The following DLGAP1 variants were observed in gnomAD, a reference collection of about 807,000 sequenced individuals.
DLGAP1 encodes disks large-associated protein 1.
DLGAP1 carries 11 observed loss-of-function variants against 90.8 expected under a neutral mutation model. The observed-to-expected ratio is 0.12, with a 90% CI of 0.08 to 0.20. The LOEUF (loss-of-function observed/expected upper bound fraction) is 0.20, where lower values mean the gene tolerates loss of function less well. Ranked by LOEUF, DLGAP1 falls within the 10% of genes least tolerant of loss-of-function variation. DLGAP1 has a pLI of 1.00. For missense variants in DLGAP1, 1,050 were observed against 1,333.8 expected (o/e 0.79, Z 3.31); for synonymous variants, 558 against 540.7 (o/e 1.03, Z -0.44).
At chr18:3,978,107 C>G in intron 3 of DLGAP1, 1 of 438,498 alleles carries the variant, frequency 2.3e-6, no homozygotes, top group Admixed American at 2.5e-5. Flanking sequence ...GGACCATGGC[C>G]ATGAGTCCTT....
chr18:4,275,057 A>C (rs186263014), intron 1 of DLGAP1, among the ~76,000 whole-genome samples: 6 of 152,374 alleles, frequency 3.9e-5, no homozygotes, highest in Non-Finnish European at 7.3e-5. Flanking sequence ...TATAATAATC[A>C]TACATCTATC....
At chr18:4,225,417 A>C (rs966440269) in intron 1 of DLGAP1, among the ~76,000 whole-genome samples, 1 of 152,084 alleles carries the variant, frequency 6.6e-6, no homozygotes, top group African/African-American at 2.4e-5. Flanking sequence ...ACAAGCATCA[A>C]GACGATCCAG....
At chr18:4,184,555 C>T (rs1317782780) in intron 1 of DLGAP1, among the ~76,000 whole-genome samples, 1 of 152,028 alleles carries the variant, frequency 6.6e-6, no homozygotes, top group Non-Finnish European at 1.5e-5. Context: ...CCCTCACAGA[C>T]ATGCCGATTT....
At chr18:4,244,670 T>C (rs932806809) in intron 1 of DLGAP1, among the ~76,000 whole-genome samples, 1 of 152,184 alleles carries the variant, frequency 6.6e-6, no homozygotes, top group African/African-American at 2.4e-5. Flanking sequence ...AATGGATCAG[T>C]TACATGATCT....
chr18:4,024,155 T>C (rs1294330291), intron 2 of DLGAP1, among the ~76,000 whole-genome samples: 2 of 152,362 alleles, frequency 1.3e-5, no homozygotes, highest in East Asian at 3.9e-4. Flanking sequence ...TGGTAATCTC[T>C]GAGATAGTAT....
chr18:4,059,247 A>T (rs983992551), intron 2 of DLGAP1, among the ~76,000 whole-genome samples: 8 of 152,132 alleles, frequency 5.3e-5, no homozygotes, highest in African/African-American at 1.9e-4. Context: ...GGGAAATAAG[A>T]GGGCTGCCCT....
chr18:4,245,141 C>T (rs1272829600), intron 1 of DLGAP1, among the ~76,000 whole-genome samples: 2 of 152,116 alleles, frequency 1.3e-5, no homozygotes, highest in East Asian at 1.9e-4. Context: ...AACATTGCTC[C>T]AATATTCAAA....
intron 1 of DLGAP1, among the ~76,000 whole-genome samples, chr18:4,349,217 T>G (rs1465247251): frequency 6.6e-6 from 1 of 152,128 alleles, no homozygotes. Flanking sequence ...TCTGCAGTAT[T>G]CGTGCAAAAA....
At chr18:3,613,391 G>A (rs2057719430) in intron 7 of DLGAP1, among the ~76,000 whole-genome samples, 1 of 152,112 alleles carries the variant, frequency 6.6e-6, no homozygotes, top group Non-Finnish European at 1.5e-5. Flanking sequence ...GAGTGCAGTG[G>A]CACAATCATG....
At chr18:3,608,983 G>A (rs1283272645) in intron 7 of DLGAP1, among the ~76,000 whole-genome samples, 1 of 152,140 alleles carries the variant, frequency 6.6e-6, no homozygotes, top group Admixed American at 6.5e-5. Context: ...TTACAGGCAT[G>A]TGCCACCACG....
intron 7 of DLGAP1, among the ~76,000 whole-genome samples, chr18:3,616,166 C>T (rs1262256330): frequency 6.6e-6 from 1 of 152,208 alleles, no homozygotes; most frequent in East Asian, 1.9e-4. Flanking sequence ...GGCTGGTAAC[C>T]AGCCCTCGGG....
rs145039022 is a variant in DLGAP1 at position 4,174,099 on chromosome 18, C to T, written c.-266-22812G>A. 7.3e-3 allele frequency among the ~76,000 whole-genome samples: 1,104 copies of T among 152,168 alleles called. 13 individuals carry two copies. The highest frequency in any genetic ancestry group is 0.025 in the African/African-American group (1,057 of 41,516). On this transcript the variant is annotated intron_variant, in intron 1 of 12. Coordinates refer to ENST00000315677, the MANE Select transcript of DLGAP1 (RefSeq NM_004746.4). ...CCTCTTTCTCCAGTTTTCTGGAATG[C>T]TAATTGGACATTTTATTCAGTGCTT...
rs191467465 is a variant in DLGAP1, at chr18:3,772,940, C to T, written c.1173-30428G>A. Among the ~76,000 whole-genome samples, 25 of 152,250 alleles carry T rather than the reference C, an allele frequency of 1.6e-4. No homozygotes were observed. The East Asian group carries it at 3.5e-3, about 21-fold the overall frequency. ...CTCACCTCTTCAGCATGGTATTGAACGGAGCCCCTGGTCCTTACCTTAGTG... is the reference window on the plus strand; with the variant it reads ...CTCACCTCTTCAGCATGGTATTGAATGGAGCCCCTGGTCCTTACCTTAGTG... On this transcript the variant is annotated intron_variant, in intron 5 of 12. Transcript: ENST00000315677.
rs115923335 is a variant in DLGAP1 at position 4,120,918 on chromosome 18, T to C, written c.-159+30262A>G. ...CTGGGCTAGGCTAGCTACAGGGATA[T>C]AGCAGAGAACAAGGTAGACACAGAC... On this transcript the variant is annotated intron_variant, in intron 2 of 12. Coordinates refer to ENST00000315677, the MANE Select transcript of DLGAP1 (RefSeq NM_004746.4). 4.0e-3 allele frequency among the ~76,000 whole-genome samples: 605 copies of C among 152,302 alleles called. 3 individuals carry two copies. Among genetic ancestry groups the C allele is most frequent in the African/African-American group, 0.014 (587 of 41,564 alleles).
intron 7 of DLGAP1, among the ~76,000 whole-genome samples, chr18:3,599,609 CAG>C (rs765188340): frequency 5.9e-5 from 9 of 152,082 alleles, no homozygotes; most frequent in Admixed American, 3.3e-4. Context: ...GCTCCAAGGA[CAG>C]AGAGTTTTTT....
At chr18:4,430,330 C>T (rs2083257311) in intron 1 of DLGAP1, among the ~76,000 whole-genome samples, 1 of 152,122 alleles carries the variant, frequency 6.6e-6, no homozygotes, top group Admixed American at 6.5e-5. Context: ...AAGCGATATT[C>T]ACTTCCCCCA....
intron 5 of DLGAP1, among the ~76,000 whole-genome samples, chr18:3,808,570 G>C (rs2066677787): frequency 2.0e-5 from 3 of 152,100 alleles, no homozygotes; most frequent in Non-Finnish European, 2.9e-5. Flanking sequence ...AAGCATTTAG[G>C]CAAAACAGAG....
At chr18:4,407,813 G>A (rs1451537239) in intron 1 of DLGAP1, among the ~76,000 whole-genome samples, 1 of 151,920 alleles carries the variant, frequency 6.6e-6, no homozygotes, top group Non-Finnish European at 1.5e-5. Context: ...AATCCAAAAG[G>A]GGGAGGTTGC....
intron 7 of DLGAP1, among the ~76,000 whole-genome samples, chr18:3,627,487 C>T: frequency 6.6e-6 from 1 of 152,128 alleles, no homozygotes; most frequent in East Asian, 1.9e-4. Flanking sequence ...TCTTTCCTGT[C>T]CTTCTCCCAC....
Sources: allele counts gnomAD v4.1 joint callset (sites outside exome capture counted in the v4.1 genomes callset), GRCh38; gene constraint gnomAD v4.1.1; transcripts MANE v1.5; gene names NCBI Gene and HGNC (gene_info 2026-07-23, HGNC 2026-07-21).